Variants in IGBP1C observed in about 807,000 individuals in gnomAD.
IGBP1C encodes the protein IGBP1 family member C, also known as immunoglobulin-binding protein 1 family member C.
the IGBP1C span, chr17:58,660,581 C>T: frequency 7.5e-6 from 6 of 795,112 alleles, no homozygotes; most frequent in Admixed American, 1.7e-5. Context: ...GGAAGATTAG[C>T]CCATGTTCTG....
At chr17:58,683,052 C>CAAAAAAA in the IGBP1C span, among the ~76,000 whole-genome samples, 1 of 54,044 alleles carries the variant, frequency 1.9e-5, no homozygotes, top group African/African-American at 6.8e-5. Context: ...GAGTCTGTCT[C>CAAAAAAA]AAAAAAAAAA....
the IGBP1C span, among the ~76,000 whole-genome samples, chr17:58,663,067 C>T: frequency 4.6e-5 from 7 of 151,206 alleles, no homozygotes; most frequent in South Asian, 1.0e-3. Flanking sequence ...CGAGATGGCA[C>T]CACTGCACTC....
chr17:58,668,298 C>T, the IGBP1C span, among the ~76,000 whole-genome samples: 8 of 152,328 alleles, frequency 5.3e-5, no homozygotes, highest in Admixed American at 1.3e-4. Flanking sequence ...TTGCAGCGGT[C>T]TCTATACCTA....
chr17:58,688,357 TG>T, the IGBP1C span, among the ~76,000 whole-genome samples: 1 of 152,130 alleles, frequency 6.6e-6, no homozygotes, highest in African/African-American at 2.4e-5. Context: ...TGACCTCAAG[TG>T]ATCTGCCAGC....
At chr17:58,683,689 G>C in the IGBP1C span, among the ~76,000 whole-genome samples, 1 of 143,530 alleles carries the variant, frequency 7.0e-6, no homozygotes, top group African/African-American at 2.6e-5. Flanking sequence ...CTTGAACCCG[G>C]AAGGCGGGGT....
the IGBP1C span, among the ~76,000 whole-genome samples, chr17:58,670,344 ATG>A: frequency 1.3e-5 from 2 of 151,770 alleles, no homozygotes; most frequent in Non-Finnish European, 2.9e-5. Context: ...TATCTATAGG[ATG>A]TGTGTGTGTA....
chr17:58,667,386 C>T, the IGBP1C span, among the ~76,000 whole-genome samples: 5 of 152,190 alleles, frequency 3.3e-5, no homozygotes, highest in Admixed American at 3.3e-4. Flanking sequence ...AAAACAAATA[C>T]ATTAACGAAC....
chr17:58,689,843 G>A, the IGBP1C span, among the ~76,000 whole-genome samples: 1 of 149,042 alleles, frequency 6.7e-6, no homozygotes, highest in Admixed American at 6.7e-5. Flanking sequence ...GCAAGGGCCA[G>A]AAGATTTTTT....
the IGBP1C span, among the ~76,000 whole-genome samples, chr17:58,674,967 G>A: frequency 6.6e-6 from 1 of 151,518 alleles, no homozygotes; most frequent in Non-Finnish European, 1.5e-5. Flanking sequence ...CCAACATGAC[G>A]AAACCCCATC....
the IGBP1C span, chr17:58,660,956 T>TGA: frequency 8.9e-7 from 1 of 1,119,950 alleles, no homozygotes; most frequent in Non-Finnish European, 1.4e-6. Flanking sequence ...CTTTATTTCC[T>TGA]GATCAATGCT....
chr17:58,677,402 A>C, the IGBP1C span, among the ~76,000 whole-genome samples: 1 of 152,228 alleles, frequency 6.6e-6, no homozygotes, highest in Non-Finnish European at 1.5e-5. Context: ...TTAAGGGAAC[A>C]CAGCCAAGAA....
At chr17:58,686,087 G>A in the IGBP1C span, among the ~76,000 whole-genome samples, 46 of 151,182 alleles carry the variant, frequency 3.0e-4, no homozygotes, top group African/African-American at 1.0e-3. Context: ...ATGGTGGCTC[G>A]CACCTGTAAT....
chr17:58,664,467 A>G, the IGBP1C span, among the ~76,000 whole-genome samples: 20 of 152,220 alleles, frequency 1.3e-4, no homozygotes, highest in Non-Finnish European at 2.5e-4. Flanking sequence ...TCAAGTCATT[A>G]CTTACATGTA....
At chr17:58,661,478 T>C in the IGBP1C span, 22 of 781,974 alleles carry the variant, frequency 2.8e-5, no homozygotes, top group Non-Finnish European at 4.8e-5. Context: ...CACCTTTTCC[T>C]GGACTATTCG....
At chr17:58,667,237 G>C in the IGBP1C span, among the ~76,000 whole-genome samples, 1 of 152,174 alleles carries the variant, frequency 6.6e-6, no homozygotes, top group Non-Finnish European at 1.5e-5. Flanking sequence ...GTACTGCAGA[G>C]TGGAGGGTTT....
chr17:58,663,253 T>G, the IGBP1C span, among the ~76,000 whole-genome samples: 42 of 151,800 alleles, frequency 2.8e-4, no homozygotes, highest in African/African-American at 9.7e-4. Flanking sequence ...AGAAACCCTG[T>G]CTCTACTAAA....
the IGBP1C span, chr17:58,661,557 G>A: frequency 1.3e-6 from 1 of 751,138 alleles, no homozygotes; most frequent in African/African-American, 1.7e-5. Context: ...AACAGCTCGG[G>A]GAGCCGCGGC....
chr17:58,691,100 C>T, the IGBP1C span, among the ~76,000 whole-genome samples: 11 of 152,122 alleles, frequency 7.2e-5, no homozygotes, highest in African/African-American at 2.6e-4. Context: ...AAGAGATCCA[C>T]CTGCCTCGAC....
chr17:58,666,316 C>A, the IGBP1C span, among the ~76,000 whole-genome samples: 2 of 151,938 alleles, frequency 1.3e-5, no homozygotes, highest in Non-Finnish European at 2.9e-5. Context: ...CCACTGCACT[C>A]CAGCCTGGAA....
Sources: allele counts gnomAD v4.1 joint callset (sites outside exome capture counted in the v4.1 genomes callset), GRCh38; gene constraint gnomAD v4.1.1; transcripts MANE v1.5; gene names NCBI Gene and HGNC (gene_info 2026-07-23, HGNC 2026-07-21).